The following PDSS1 variants were observed in gnomAD, a reference collection of about 807,000 sequenced individuals.
PDSS1 encodes all trans-polyprenyl-diphosphate synthase PDSS1.
A neutral mutation model predicts 57.5 loss-of-function variants in PDSS1; 43 were observed. That is an observed-to-expected ratio of 0.75 (90% CI 0.59 to 0.96). The LOEUF (loss-of-function observed/expected upper bound fraction) is 0.96, where lower values mean the gene tolerates loss of function less well. Among genes scored for constraint, PDSS1 ranks in the 50% least tolerant of loss-of-function variants. The pLI is 0.00. For synonymous variants in PDSS1, 175 were observed against 191.3 expected (o/e 0.91, Z 0.70); for missense variants, 438 against 527.8 (o/e 0.83, Z 1.67).
At chr10:26,744,189 A>T (rs904719741) in intron 11 of PDSS1, among the ~76,000 whole-genome samples, 2 of 152,200 alleles carry the variant, frequency 1.3e-5, no homozygotes, top group African/African-American at 4.8e-5. Flanking sequence ...CTTATGCTAG[A>T]AAATGGTGTC....
rs140303610 is a variant in PDSS1, at chr10:26,742,977, C to T, written c.1107+400C>T. 4.2e-3 allele frequency among the ~76,000 whole-genome samples: 639 copies of T among 152,298 alleles called. 5 individuals carry two copies. The highest frequency in any genetic ancestry group is 7.0e-3 in the Non-Finnish European group (474 of 68,026). ...CCATGTCCCCATCCATGACCCCATC[C>T]GGGCTGCTGCTGGACTGCTGCAATA... On this transcript the variant is annotated intron_variant, in intron 11 of 11. Transcript: ENST00000376215.
chr10:26,709,692 G>T lies in PDSS1; in HGVS notation c.391G>T (p.Gly131Trp). Residue 131 changes from glycine (G) to tryptophan (W), a missense_variant, in exon 5 of 12, where the codon GGG (glycine) becomes TGG (tryptophan). Around this residue, in one of 2 missense-constraint regions of PDSS1, gnomAD observed 284 missense variants for 390.7 expected, o/e 0.73. Coordinates refer to ENST00000376215, the MANE Select transcript of PDSS1 (RefSeq NM_014317.5). ...GGAAATGTCTGAGTACTACTTTGAT[G>T]GGAAAGGGAAAGCCTTTCGACCAAT... ...LKEMSEYYFD[G>W]KGKAFRPIIV... 6.2e-7 allele frequency: 1 copy of T among 1,613,262 alleles called. No homozygotes were observed. The highest frequency in any genetic ancestry group is 8.5e-7 in the Non-Finnish European group (1 of 1,179,238).
intron 6 of PDSS1, among the ~76,000 whole-genome samples, chr10:26,722,078 A>G (rs1835806250): frequency 6.6e-6 from 1 of 152,022 alleles, no homozygotes; most frequent in Non-Finnish European, 1.5e-5. Context: ...CTTCCATGTC[A>G]TATGCTGGAC....
intron 11 of PDSS1, among the ~76,000 whole-genome samples, chr10:26,746,075 C>T (rs936432835): frequency 2.0e-5 from 3 of 151,836 alleles, no homozygotes; most frequent in Non-Finnish European, 4.4e-5. Context: ...TAGGGGAAAA[C>T]GAATGACTAT....
At chr10:26,709,853 T>G (rs1835365441) in intron 5 of PDSS1, 85 bp downstream of exon 5, 2 of 1,437,798 alleles carry the variant, frequency 1.4e-6, no homozygotes, top group Non-Finnish European at 2.0e-6. Flanking sequence ...ATTTCCCATT[T>G]AAGAATTAGC....
chr10:26,744,459 T>C (rs1196297714), intron 11 of PDSS1, among the ~76,000 whole-genome samples: 2 of 152,114 alleles, frequency 1.3e-5, no homozygotes, highest in Non-Finnish European at 2.9e-5. Context: ...GGCACAATCT[T>C]GGCTCACTGC....
chr10:26,708,166 C>T (rs971574981), intron 4 of PDSS1, among the ~76,000 whole-genome samples: 1 of 152,210 alleles, frequency 6.6e-6, no homozygotes, highest in African/African-American at 2.4e-5. Context: ...ACCTTTGTGA[C>T]CTCTGTGTCT....
intron 8 of PDSS1, among the ~76,000 whole-genome samples, chr10:26,729,676 C>T (rs778916147): frequency 6.6e-6 from 1 of 152,128 alleles, no homozygotes; most frequent in Non-Finnish European, 1.5e-5. Flanking sequence ...TGTCTTGGGC[C>T]TGAGGATAAT....
intron 1 of PDSS1, among the ~76,000 whole-genome samples, chr10:26,698,114 TGG>T (rs1834931100): frequency 1.3e-5 from 2 of 151,676 alleles, no homozygotes; most frequent in South Asian, 4.2e-4. Flanking sequence ...GAGAAAGCGG[TGG>T]GATCCGTGTC....
chr10:26,709,098 G>A (rs1835336661), intron 4 of PDSS1, among the ~76,000 whole-genome samples: 2 of 152,174 alleles, frequency 1.3e-5, no homozygotes, highest in Non-Finnish European at 2.9e-5. Context: ...CGGGGCAGGT[G>A]GCAGTACCTG....
At chr10:26,729,127 C>G (rs1454318728) in intron 8 of PDSS1, among the ~76,000 whole-genome samples, 1 of 152,060 alleles carries the variant, frequency 6.6e-6, no homozygotes, top group Non-Finnish European at 1.5e-5. Context: ...TTTTAATACT[C>G]AATTATCCAA....
chr10:26,709,532 G>A, intron 4 of PDSS1, 106 bp from the exon 5 acceptor site: 1 of 1,140,730 alleles, frequency 8.8e-7, no homozygotes. Flanking sequence ...TTGCACTCCA[G>A]TCTGGGCAAC....
chr10:26,737,256 T>G (rs537256576), intron 10 of PDSS1, among the ~76,000 whole-genome samples: 1 of 152,230 alleles, frequency 6.6e-6, no homozygotes, highest in African/African-American at 2.4e-5. Flanking sequence ...ACTTAAACCT[T>G]AAGGTGACTG....
chr10:26,721,783 T>C (rs1588688596), intron 6 of PDSS1, among the ~76,000 whole-genome samples: 1 of 152,226 alleles, frequency 6.6e-6, no homozygotes, highest in African/African-American at 2.4e-5. Context: ...CCGCCTTGGC[T>C]AGCCCCTGTG....
At chr10:26,730,961 C>A (rs113648241) in intron 8 of PDSS1, among the ~76,000 whole-genome samples, 10,781 of 152,240 alleles carry the variant, frequency 0.071, 1,271 homozygotes, top group African/African-American at 0.24. Context: ...GTAATCCCAG[C>A]ACTTTGGGAG....
intron 11 of PDSS1, 85 bp from the exon 12 acceptor site, chr10:26,746,248 A>T: frequency 7.6e-7 from 1 of 1,311,328 alleles, no homozygotes; most frequent in Non-Finnish European, 1.1e-6. Flanking sequence ...TCTCAAAACT[A>T]TGTGTTCATT....
chr10:26,702,791 A>T (rs150852469), intron 2 of PDSS1, among the ~76,000 whole-genome samples: 21 of 152,242 alleles, frequency 1.4e-4, no homozygotes, highest in Non-Finnish European at 2.9e-4. Context: ...TTGAGGCTGC[A>T]GTGAGCTATG....
At chr10:26,724,563 T>C (rs891773025) in intron 8 of PDSS1, among the ~76,000 whole-genome samples, 3 of 152,094 alleles carry the variant, frequency 2.0e-5, no homozygotes, top group Non-Finnish European at 4.4e-5. Context: ...CTATGAACTT[T>C]TTTTTGTTTT....
chr10:26,738,008 C>G (rs1481363560), intron 10 of PDSS1, among the ~76,000 whole-genome samples: 2 of 152,138 alleles, frequency 1.3e-5, no homozygotes, highest in Admixed American at 1.3e-4. Flanking sequence ...ATGTTTCTGT[C>G]TTGTGGCACA....
Sources: allele counts gnomAD v4.1 joint callset (sites outside exome capture counted in the v4.1 genomes callset), GRCh38; gene constraint gnomAD v4.1.1; regional missense constraint gnomAD v4.1.1; transcripts MANE v1.5; gene names NCBI Gene and HGNC (gene_info 2026-07-23, HGNC 2026-07-21).